The following PLA2G4E variants were observed in gnomAD, a reference collection of about 807,000 sequenced individuals.
PLA2G4E encodes the protein cytosolic phospholipase A2 epsilon.
In PLA2G4E, 84 loss-of-function variants were observed where a neutral mutation model predicts 109.1. The observed-to-expected ratio is 0.77, with a 90% CI of 0.65 to 0.92. The LOEUF (loss-of-function observed/expected upper bound fraction) is 0.92, where lower values mean the gene tolerates loss of function less well. Ranked by LOEUF, PLA2G4E falls within the 40% of genes least tolerant of loss-of-function variation. PLA2G4E has a pLI of 0.00. For synonymous variants in PLA2G4E, 469 were observed against 436.1 expected, an observed-to-expected ratio of 1.08 and a Z score of -0.94; for missense variants, 1,057 against 1,076.6, an observed-to-expected ratio of 0.98 and a Z score of 0.25.
intron 1 of PLA2G4E, among the ~76,000 whole-genome samples, chr15:42,036,263 G>C (rs1889213280): frequency 6.6e-6 from 1 of 152,228 alleles, no homozygotes; most frequent in South Asian, 2.1e-4. Context: ...GGCTGGGCCA[G>C]GTCGCCCGCT....
rs550202620 is a variant in PLA2G4E, at chr15:41,991,129, G to T, written c.1471-894C>A. Among the ~76,000 whole-genome samples the T allele has an allele frequency of 2.6e-4, 40 of 152,284 alleles. 1 individual carries two copies. In the South Asian group the frequency reaches 8.1e-3, roughly 31 times the overall value. On this transcript the variant is annotated intron_variant, in intron 13 of 19. Coordinates refer to ENST00000399518, the Ensembl canonical transcript of PLA2G4E. ...CTGGAAGTAAAGCTGCAGGCTCAGG[G>T]AAGAGCCGGTCCACATTCATTGTCA...
intron 13 of PLA2G4E, among the ~76,000 whole-genome samples, chr15:41,991,269 C>T (rs1716322004): frequency 6.6e-6 from 1 of 152,214 alleles, no homozygotes; most frequent in Admixed American, 6.5e-5. Context: ...ACCAAACCCC[C>T]AGAATGCTGA....
chr15:42,032,063 CA>C (rs1220767761), intron 1 of PLA2G4E, among the ~76,000 whole-genome samples: 1 of 152,152 alleles, frequency 6.6e-6, no homozygotes, highest in Non-Finnish European at 1.5e-5. Context: ...GACCTCCCAA[CA>C]CCTCCTTGCT....
intron 2 of PLA2G4E, among the ~76,000 whole-genome samples, chr15:42,010,999 C>T (rs191590259): frequency 9.2e-5 from 14 of 152,356 alleles, no homozygotes; most frequent in Admixed American, 2.0e-4. Flanking sequence ...TAAAAGACAT[C>T]GGGATAGTCT....
At chr15:41,985,618 G>A (rs964644436) in intron 18 of PLA2G4E, among the ~76,000 whole-genome samples, 3 of 152,250 alleles carry the variant, frequency 2.0e-5, no homozygotes, top group Admixed American at 2.0e-4. Flanking sequence ...ATTCGAATTT[G>A]CTAAGTCAAC....
intron 1 of PLA2G4E, among the ~76,000 whole-genome samples, chr15:42,018,587 A>C (rs1025616797): frequency 2.0e-5 from 3 of 152,188 alleles, no homozygotes; most frequent in Non-Finnish European, 4.4e-5. Context: ...TTTGGCAAAC[A>C]GTACAGAGGT....
chr15:41,996,765 G>A (rs1330570749), intron 11 of PLA2G4E, among the ~76,000 whole-genome samples: 2 of 152,216 alleles, frequency 1.3e-5, no homozygotes, highest in Non-Finnish European at 2.9e-5. Flanking sequence ...AAGGACCTAA[G>A]GCCTTTTGGG....
intron 1 of PLA2G4E, among the ~76,000 whole-genome samples, chr15:42,027,740 C>A (rs2068704475): frequency 6.6e-6 from 1 of 152,204 alleles, no homozygotes; most frequent in East Asian, 1.9e-4. Context: ...TACACTGGTC[C>A]TTCATGCCCA....
At chr15:41,992,707 G>T in intron 13 of PLA2G4E, 30 bp downstream of exon 13, 4 of 1,601,078 alleles carry the variant, frequency 2.5e-6, no homozygotes, top group African/African-American at 1.3e-5. Context: ...GCCAGGGCAG[G>T]GTGGGGCCCA....
At chr15:42,050,306 G>T (rs754518114) in intron 1 of PLA2G4E, among the ~76,000 whole-genome samples, 2 of 152,186 alleles carry the variant, frequency 1.3e-5, no homozygotes. Context: ...CTTGATAAAA[G>T]GTCACCACTG....
Position 41,997,110 on chromosome 15 carries a change from C to G in PLA2G4E, c.1110+14G>C, listed in dbSNP as rs1383203010. ...CCAGCTGGGCCCAGGCTGGCCACAT[C>G]CCTGATTACCCACCTCGTCCTCCTG... On this transcript the variant is annotated intron_variant, in intron 11 of 19. Coordinates refer to ENST00000399518, the Ensembl canonical transcript of PLA2G4E. 4 of 1,554,512 alleles carry G rather than the reference C, an allele frequency of 2.6e-6. No homozygotes were observed. Among genetic ancestry groups the G allele is most frequent in the Non-Finnish European group, 3.5e-6 (4 of 1,148,744 alleles).
chr15:42,044,810 G>A (rs548730731), intron 1 of PLA2G4E, among the ~76,000 whole-genome samples: 2 of 152,032 alleles, frequency 1.3e-5, no homozygotes, highest in Non-Finnish European at 2.9e-5. Flanking sequence ...GAAGTGATGT[G>A]AATGAGATCA....
chr15:42,041,320 G>GA (rs34543969), intron 1 of PLA2G4E, among the ~76,000 whole-genome samples: 65,525 of 151,252 alleles, frequency 0.43, 15,970 homozygotes, highest in Admixed American at 0.57. Context: ...TGGGTAAAAG[G>GA]AAAAAAAAAG....
In PLA2G4E at chr15:42,044,948, C is replaced by A. The variant is rs139979350; in HGVS notation, c.183+5573G>T. Among the ~76,000 whole-genome samples, 105 of 151,928 alleles carry A rather than the reference C, an allele frequency of 6.9e-4. No homozygotes were observed. In the East Asian group the frequency reaches 0.016, roughly 23 times the overall value. On this transcript the variant is annotated intron_variant, in intron 1 of 19. Transcript: ENST00000399518. ...GCAGAGATGGAAGCAGTGGTGGACT[C>A]GAGAGGTATTTCTGAGCAGAACCTA...
exon 12 of PLA2G4E, chr15:41,995,466 C>G (rs766085969): frequency 1.2e-6 from 2 of 1,613,946 alleles, no homozygotes; most frequent in South Asian, 1.1e-5. Context: ...CTTGTTCCAC[C>G]CCCAGTGGCC....
At chr15:41,986,670 C>A (rs887889123) in intron 17 of PLA2G4E, among the ~76,000 whole-genome samples, 2 of 152,102 alleles carry the variant, frequency 1.3e-5, no homozygotes, top group Non-Finnish European at 2.9e-5. Context: ...GTGCTCATCA[C>A]CATGCCCAGC....
At chr15:41,998,186 C>T (rs952504673) in intron 10 of PLA2G4E, 1 of 152,268 alleles carries the variant, frequency 6.6e-6, no homozygotes, top group African/African-American at 2.4e-5. Flanking sequence ...CCTTGGCTCA[C>T]TGACAAAGCC....
intron 1 of PLA2G4E, among the ~76,000 whole-genome samples, chr15:42,033,343 G>A (rs1566849909): frequency 6.6e-6 from 1 of 152,166 alleles, no homozygotes; most frequent in Non-Finnish European, 1.5e-5. Context: ...GCCAGTAAAG[G>A]CAAAATACCC....
At position 42,001,190 on chromosome 15, in the gene PLA2G4E, C is replaced by T. The variant is rs780929232; in HGVS notation, c.640G>A (p.Ala214Thr). 2.5e-6 allele frequency: 4 copies of T among 1,613,662 alleles called. No homozygotes were observed. The South Asian group carries it at 3.3e-5, about 13-fold the overall frequency. The change falls in exon 7 of 20, where the codon GCA becomes ACA. Residue 214 changes from alanine to threonine, a missense_variant. Ala to Thr is a moderately conservative substitution (Grantham distance 58, BLOSUM62 0). Transcript: ENST00000399518. ...CTCTTCCTCCGCCTCCTGGATTGTG[C>T]ATGAACCTCCAGGCAGGAGACTTGT...
Sources: gnomAD v4.1 joint callset for allele counts (sites outside exome capture counted in the v4.1 genomes callset) on GRCh38, gnomAD v4.1.1 for gene constraint, MANE v1.5 for transcripts, NCBI Gene and HGNC (gene_info 2026-07-23, HGNC 2026-07-21) for gene names.